TRIO: variants seen among roughly 807,000 people sequenced by gnomAD.
The protein encoded by TRIO is trio Rho guanine nucleotide exchange factor, also known as triple functional domain protein.
Under a neutral mutation model 351.9 loss-of-function variants are expected in TRIO, and 58 were observed. The ratio of observed to expected loss-of-function variants is 0.16; its 90% CI spans 0.13 to 0.21. The LOEUF (loss-of-function observed/expected upper bound fraction) is 0.21, where lower values mean the gene tolerates loss of function less well. Among genes scored for constraint, TRIO ranks in the 10% least tolerant of loss-of-function variants. The probability of loss-of-function intolerance (pLI) is 1.00; values close to 1 mark genes in which losing one functional copy is unlikely to be tolerated. For synonymous variants in TRIO, 1,758 were observed against 1,595.7 expected (o/e 1.10, Z -2.42); for missense variants, 3,201 against 4,027.8 (o/e 0.79, Z 5.56).
intron 7 of TRIO, among the ~76,000 whole-genome samples, chr5:14,297,985 G>A (rs894834613): frequency 1.3e-5 from 2 of 152,182 alleles, no homozygotes; most frequent in African/African-American, 4.8e-5. Flanking sequence ...CTAGTCTTGG[G>A]GTGCACATCC....
intron 33 of TRIO, among the ~76,000 whole-genome samples, chr5:14,411,726 C>T (rs936747411): frequency 9.9e-5 from 15 of 151,892 alleles, no homozygotes; most frequent in African/African-American, 3.6e-4. Context: ...TTGCCTGGCC[C>T]CCCAGGTAGC....
intron 8 of TRIO, among the ~76,000 whole-genome samples, chr5:14,315,709 C>T (rs1250289616): frequency 6.6e-6 from 1 of 152,108 alleles, no homozygotes; most frequent in Admixed American, 6.5e-5. Flanking sequence ...CTTTTTTTCC[C>T]CCCAATAACA....
chr5:14,278,586 T>A (rs1735736943), intron 2 of TRIO, among the ~76,000 whole-genome samples: 1 of 152,230 alleles, frequency 6.6e-6, no homozygotes, highest in Admixed American at 6.5e-5. Context: ...TATGTGTTGA[T>A]CTATGATAAT....
chr5:14,351,693 C>G (rs1045051413), intron 11 of TRIO, among the ~76,000 whole-genome samples: 2 of 152,300 alleles, frequency 1.3e-5, no homozygotes, highest in South Asian at 2.1e-4. Context: ...AAGAATTTCC[C>G]AAGGCCACAC....
chr5:14,160,454 C>T (rs1331020708), intron 1 of TRIO, among the ~76,000 whole-genome samples: 1 of 152,154 alleles, frequency 6.6e-6, no homozygotes, highest in Admixed American at 6.5e-5. Context: ...AGCTGTTTAT[C>T]CCTTGAGTAA....
intron 34 of TRIO, among the ~76,000 whole-genome samples, chr5:14,444,190 G>T (rs975835866): frequency 5.3e-5 from 8 of 151,328 alleles, no homozygotes; most frequent in Admixed American, 2.6e-4. Flanking sequence ...ATAGGATAAA[G>T]AAATTTCTTT....
At chr5:14,156,195 A>G (rs1788094865) in intron 1 of TRIO, among the ~76,000 whole-genome samples, 1 of 152,018 alleles carries the variant, frequency 6.6e-6, no homozygotes, top group African/African-American at 2.4e-5. Flanking sequence ...TTTTTGGAGC[A>G]CTTTCTTACT....
At chr5:14,349,078 CAT>C (rs935355457) in intron 11 of TRIO, among the ~76,000 whole-genome samples, 2 of 150,580 alleles carry the variant, frequency 1.3e-5, no homozygotes, top group African/African-American at 4.9e-5. Flanking sequence ...TGTGTATGCA[CAT>C]GAGCATGTGT....
chr5:14,404,068 T>TGTG (rs112230771), intron 31 of TRIO, among the ~76,000 whole-genome samples: 63,690 of 132,252 alleles, frequency 0.48, 17,430 homozygotes, highest in African/African-American at 0.79. Context: ...GGGTGCAGCT[T>TGTG]GTGAGGGTGC....
At chr5:14,309,086 A>G (rs1273319034) in intron 8 of TRIO, among the ~76,000 whole-genome samples, 1 of 10,944 alleles carries the variant, frequency 9.1e-5, no homozygotes, top group Admixed American at 1.0e-3. Context: ...CCACCCACCC[A>G]TCCACACATT....
Position 14,419,855 on chromosome 5 carries a change from G to T in TRIO, c.5037G>T (p.Arg1679=). The T allele has an allele frequency of 6.2e-7, 1 of 1,614,228 alleles. No individual in the cohort carries two copies. Among genetic ancestry groups the T allele is most frequent in the Non-Finnish European group, 8.5e-7 (1 of 1,180,026 alleles). The change falls in exon 34 of 57, where the codon CGG becomes CGT. Residue 1679 remains arginine (R), a synonymous_variant. Coordinates refer to ENST00000344204, the MANE Select transcript of TRIO (RefSeq NM_007118.4). ...ACAGCAACGAGCTGACCATCCGACG[G>T]GGCCAGACCGTGGAAGTTCTGGAGC... ...ACNSNELTIR[R]GQTVEVLERP...
chr5:14,273,154 T>C (rs1735188412), intron 2 of TRIO, among the ~76,000 whole-genome samples: 1 of 152,172 alleles, frequency 6.6e-6, no homozygotes, highest in South Asian at 2.1e-4. Context: ...TAAAAAATAT[T>C]AGGGAATATT....
chr5:14,292,879 TGA>T, intron 5 of TRIO, 131 bp from the exon 6 acceptor site: 1 of 1,294,812 alleles, frequency 7.7e-7, no homozygotes, highest in Non-Finnish European at 1.1e-6. Context: ...AAGACTCTTC[TGA>T]GAGAATCAGA....
intron 1 of TRIO, among the ~76,000 whole-genome samples, chr5:14,157,700 T>C (rs1788200574): frequency 6.6e-6 from 1 of 152,142 alleles, no homozygotes; most frequent in Admixed American, 6.6e-5. Context: ...TGATCCTGCC[T>C]CAGTCTCCTA....
chr5:14,414,644 G>A lies in TRIO; in HGVS notation c.4960-5134G>A, dbSNP rs189511712. On this transcript the variant is annotated intron_variant, in intron 33 of 56. Transcript: ENST00000344204. ...ATTGTGGTTAAAAAAAAAATGTAAC[G>A]TAAAGTTTACCGTCTTCACCATTTT... 2.8e-4 allele frequency among the ~76,000 whole-genome samples: 42 copies of A among 151,542 alleles called. No individual in the cohort carries two copies. The East Asian group carries it at 6.4e-3, about 23-fold the overall frequency.
intron 33 of TRIO, among the ~76,000 whole-genome samples, chr5:14,415,318 C>T (rs753852611): frequency 3.3e-5 from 5 of 152,122 alleles, no homozygotes; most frequent in African/African-American, 4.8e-5. Context: ...CACACCAGTC[C>T]GAGAGAGCCC....
chr5:14,231,403 A>G (rs1028138577), intron 1 of TRIO, among the ~76,000 whole-genome samples: 2 of 152,246 alleles, frequency 1.3e-5, no homozygotes, highest in African/African-American at 4.8e-5. Flanking sequence ...TTGAGTAGTA[A>G]TGAGTCATAA....
intron 6 of TRIO, 101 bp from the exon 7 acceptor site, chr5:14,296,971 G>A (rs1233090519): frequency 1.6e-5 from 15 of 962,630 alleles, no homozygotes; most frequent in Non-Finnish European, 1.9e-5. Context: ...TGTGATCACT[G>A]TTAGAAGCCT....
chr5:14,450,035 A>G (rs1048615700), intron 34 of TRIO, among the ~76,000 whole-genome samples: 1 of 152,238 alleles, frequency 6.6e-6, no homozygotes, highest in African/African-American at 2.4e-5. Flanking sequence ...GCATTTGTCT[A>G]CATAGCTACA....
Sources: gnomAD v4.1 joint callset for allele counts (sites outside exome capture counted in the v4.1 genomes callset) on GRCh38, gnomAD v4.1.1 for gene constraint, MANE v1.5 for transcripts, NCBI Gene and HGNC (gene_info 2026-07-23, HGNC 2026-07-21) for gene names.